Variants in COG6 observed in about 807,000 individuals in gnomAD.
COG6 encodes conserved oligomeric Golgi complex subunit 6.
Under a neutral mutation model 88.8 loss-of-function variants are expected in COG6, and 74 were observed. That is an observed-to-expected ratio of 0.83 (90% CI 0.69 to 1.01). COG6 has a LOEUF of 1.01. Ranked by LOEUF, COG6 falls within the 50% of genes least tolerant of loss-of-function variation. The probability of loss-of-function intolerance (pLI) is 0.00; values close to 1 mark genes in which losing one functional copy is unlikely to be tolerated. For missense variants in COG6, 800 were observed against 797.9 expected, an observed-to-expected ratio of 1.00 and a Z score of -0.03; for synonymous variants, 286 against 278.7, an observed-to-expected ratio of 1.03 and a Z score of -0.26.
rs1031333078 is a variant in COG6 at position 39,765,766 on chromosome 13, A to G, written c.1827-22569A>G. ...AAACTCTGAGTTTGGTTTATATCCAATAGCCTAAGGTTTCATAGAATTTTG... is the reference window on the plus strand; with the variant it reads ...AAACTCTGAGTTTGGTTTATATCCAGTAGCCTAAGGTTTCATAGAATTTTG... On this transcript the variant is annotated intron_variant, in intron 18 of 18. Coordinates refer to the COG6 transcript ENST00000416691. Among the ~76,000 whole-genome samples, 31 of 152,354 alleles carry G rather than the reference A, an allele frequency of 2.0e-4. 1 individual carries two copies. Among genetic ancestry groups the G allele is most frequent in the East Asian group, 7.7e-4 (4 of 5,184 alleles).
chr13:39,688,401 T>G (rs1347494125), intron 10 of COG6, among the ~76,000 whole-genome samples: 1 of 152,090 alleles, frequency 6.6e-6, no homozygotes, highest in African/African-American at 2.4e-5. Context: ...AACATCTGCT[T>G]CTGGTGAAGG....
At chr13:39,742,691 TCAA>T (rs1352353722) in intron 18 of COG6, among the ~76,000 whole-genome samples, 3 of 152,106 alleles carry the variant, frequency 2.0e-5, no homozygotes, top group Non-Finnish European at 2.9e-5. Context: ...ATTAGACAGA[TCAA>T]CGAGACAGAA....
chr13:39,763,721 A>G (rs1228019165), intron 18 of COG6, among the ~76,000 whole-genome samples: 1 of 151,804 alleles, frequency 6.6e-6, no homozygotes, highest in Admixed American at 6.6e-5. Flanking sequence ...CTTACTTAAT[A>G]TGGAGAATTT....
At chr13:39,699,835 G>A (rs1289643317) in intron 13 of COG6, among the ~76,000 whole-genome samples, 1 of 151,710 alleles carries the variant, frequency 6.6e-6, no homozygotes, top group Non-Finnish European at 1.5e-5. Flanking sequence ...ATTGGAGATG[G>A]CATCTCAGGC....
chr13:39,783,375 A>T (rs1458600594), intron 18 of COG6, among the ~76,000 whole-genome samples: 1 of 152,234 alleles, frequency 6.6e-6, no homozygotes, highest in Non-Finnish European at 1.5e-5. Flanking sequence ...GCTTAACAAC[A>T]CAAAAGCCTG....
chr13:39,720,591 G>A (rs2138077854), intron 15 of COG6, among the ~76,000 whole-genome samples: 1 of 151,604 alleles, frequency 6.6e-6, no homozygotes, highest in East Asian at 1.9e-4. Flanking sequence ...CCATATTTGT[G>A]GTTTAAAGTC....
intron 11 of COG6, among the ~76,000 whole-genome samples, chr13:39,690,166 A>G (rs916571557): frequency 1.3e-5 from 2 of 152,018 alleles, no homozygotes; most frequent in East Asian, 1.9e-4. Flanking sequence ...TATTTTGTTT[A>G]CTTGATTGCT....
chr13:39,722,465 T>A (rs1474449249), intron 15 of COG6, among the ~76,000 whole-genome samples: 1 of 151,986 alleles, frequency 6.6e-6, no homozygotes, highest in Non-Finnish European at 1.5e-5. Flanking sequence ...GCAGAGCTAT[T>A]GGAGTTGCTT....
chr13:39,758,944 CATT>C (rs1390928847), intron 18 of COG6, among the ~76,000 whole-genome samples: 2 of 152,030 alleles, frequency 1.3e-5, no homozygotes, highest in Non-Finnish European at 2.9e-5. Context: ...ATCTTGAAAA[CATT>C]ATTCTAATTA....
At chr13:39,724,415 G>C (rs1280448758) in intron 16 of COG6, 93 bp from the exon 17 acceptor site, 11 of 951,736 alleles carry the variant, frequency 1.2e-5, no homozygotes, top group Non-Finnish European at 1.6e-5. Context: ...AATTTGGGCA[G>C]TGCACTAATG....
intron 17 of COG6, 91 bp downstream of exon 17, chr13:39,724,652 A>G (rs1879037677): frequency 2.0e-6 from 2 of 978,998 alleles, no homozygotes. Context: ...TCTGGGTGAC[A>G]CTTTTTATCT....
chr13:39,765,842 T>G (rs1369737511), intron 18 of COG6, among the ~76,000 whole-genome samples: 1 of 152,246 alleles, frequency 6.6e-6, no homozygotes, highest in Non-Finnish European at 1.5e-5. Flanking sequence ...TTCTGTGCTG[T>G]GTGCAGATAC....
At chr13:39,691,938 AT>A (rs1156845587) in intron 11 of COG6, among the ~76,000 whole-genome samples, 3 of 146,670 alleles carry the variant, frequency 2.0e-5, no homozygotes, top group East Asian at 2.0e-4. Context: ...GTAGATATGA[AT>A]TTTTTTTGGA....
intron 3 of COG6, among the ~76,000 whole-genome samples, chr13:39,664,459 C>A (rs1875115463): frequency 6.6e-6 from 1 of 152,128 alleles, no homozygotes; most frequent in African/African-American, 2.4e-5. Context: ...TTGTTTAAAG[C>A]CACTTCATGA....
downstream of COG6, among the ~76,000 whole-genome samples, chr13:39,755,143 G>T (rs751566600): frequency 6.6e-6 from 1 of 152,028 alleles, no homozygotes; most frequent in Non-Finnish European, 1.5e-5. Context: ...TTCAGGACTC[G>T]AGAAACTAAT....
Position 39,719,759 on chromosome 13 carries a change from T to C in COG6, c.1516T>C (p.Tyr506His). ...GGCCACTTTCATGGTCAATTCACTA[T>C]ATATGATGAAGACAACATTAGCTCT... ...DMATFMVNSL[Y>H]MMKTTLALFE... Residue 506 changes from tyrosine (Y) to histidine (H), a missense_variant, in exon 15 of 19, where the codon TAT (tyrosine) becomes CAT (histidine). Physicochemically the swap from Tyr to His is moderately conservative, Grantham distance 83. Transcript: ENST00000455146. The C allele has an allele frequency of 1.2e-6, 2 of 1,612,640 alleles. No individual in the cohort carries two copies. Among genetic ancestry groups the C allele is most frequent in the South Asian group, 1.1e-5 (1 of 91,050 alleles).
chr13:39,713,281 G>A (rs1165732431), intron 13 of COG6, among the ~76,000 whole-genome samples: 4 of 152,158 alleles, frequency 2.6e-5, no homozygotes, highest in Non-Finnish European at 5.9e-5. Context: ...GCTACTACCT[G>A]TTTTAGGCTC....
At chr13:39,689,268 T>A (rs1056477122) in intron 10 of COG6, among the ~76,000 whole-genome samples, 1 of 152,186 alleles carries the variant, frequency 6.6e-6, no homozygotes. Context: ...AAATGTCAAA[T>A]ACCCAGTACA....
chr13:39,752,443 C>A lies in COG6; in HGVS notation c.*1350C>A. On this transcript the variant is annotated 3_prime_UTR_variant, in exon 19 of 19. Transcript: ENST00000455146. ...ATAAATCTGTATTTTTAGTTTTTTC[C>A]CTTTGATTAGTATGTGTTACATATA... is the stretch of plus-strand genomic sequence containing the variant. 9.4e-7 allele frequency: 1 copy of A among 1,059,212 alleles called. No homozygotes were observed. Among genetic ancestry groups the A allele is most frequent in the Non-Finnish European group, 1.2e-6 (1 of 805,880 alleles). The allele number at this position is 1,059,212 out of a possible 1,614,324, so 65.6% of individuals were successfully genotyped here.
Sources: gnomAD v4.1 joint callset for allele counts (sites outside exome capture counted in the v4.1 genomes callset) on GRCh38, gnomAD v4.1.1 for gene constraint, MANE v1.5 for transcripts, NCBI Gene and HGNC (gene_info 2026-07-23, HGNC 2026-07-21) for gene names.